PGBD2: variants seen among roughly 807,000 people sequenced by gnomAD.
The protein encoded by PGBD2 is piggyBac transposable element derived 2, also known as piggyBac transposable element-derived protein 2.
PGBD2 carries 6 observed loss-of-function variants against 8.1 expected under a neutral mutation model. That is an observed-to-expected ratio of 0.74 (90% CI 0.40 to 1.46). The LOEUF (loss-of-function observed/expected upper bound fraction) is 1.46. Ranked by LOEUF, PGBD2 falls within the 40% of genes most tolerant of loss-of-function variation. PGBD2 has a pLI of 0.02. For synonymous variants in PGBD2, 318 were observed against 272.2 expected (o/e 1.17, Z -1.66); for missense variants, 802 against 739.0 (o/e 1.09, Z -0.99).
At chr1:248,889,789 G>A in the PGBD2 span, among the ~76,000 whole-genome samples, 2 of 152,080 alleles carry the variant, frequency 1.3e-5, no homozygotes, top group Non-Finnish European at 2.9e-5. Flanking sequence ...AGGCAGACTC[G>A]GGGGATATGC....
Position 248,916,998 on chromosome 1 carries a change from GC to G in PGBD2, c.415del (p.Leu139Ter). 6.2e-7 allele frequency: 1 copy of G among 1,613,584 alleles called. No individual in the cohort carries two copies. The highest frequency in any genetic ancestry group is 8.5e-7 in the Non-Finnish European group (1 of 1,179,922). On this transcript the variant is annotated frameshift_variant, in exon 3 of 3. Coordinates refer to ENST00000329291, the MANE Select transcript of PGBD2 (RefSeq NM_170725.3). LOFTEE classifies it low-confidence loss of function (END_TRUNC). ...ATATTGAGGATCTGAAAAGCCAAGAGCTGAGTCCCGTGGGCCTTTTTGAGTT... is the reference window on the plus strand; with the variant it reads ...ATATTGAGGATCTGAAAAGCCAAGAGTGAGTCCCGTGGGCCTTTTTGAGTT... The part of the protein sequence containing the change: ...PHIEDLKSQE[L>X]SPVGLFELFF...
the PGBD2 span, among the ~76,000 whole-genome samples, chr1:248,890,795 C>T: frequency 1.9e-3 from 289 of 151,022 alleles, 1 homozygote; most frequent in African/African-American, 6.6e-3. Flanking sequence ...GATGCACACA[C>T]GCACCACACA....
chr1:248,894,520 C>T, the PGBD2 span, among the ~76,000 whole-genome samples: 1 of 152,280 alleles, frequency 6.6e-6, no homozygotes, highest in South Asian at 2.1e-4. Flanking sequence ...AAGAGACTAT[C>T]ATTTTCCTAT....
At chr1:248,920,937 G>A (rs1662273458), downstream of PGBD2, among the ~76,000 whole-genome samples, 2 of 151,020 alleles carry the variant, frequency 1.3e-5, no homozygotes, top group Admixed American at 6.6e-5. Flanking sequence ...CTGCATAAAT[G>A]TCTTCTTTTG....
rs1014187616 is a variant in PGBD2, at chr1:248,906,283, C to A, written c.-107C>A. On this transcript the variant is annotated 5_prime_UTR_variant, in exon 1 of 3. Coordinates refer to ENST00000329291, the MANE Select transcript of PGBD2 (RefSeq NM_170725.3). ...CGACGCCAACGCAGGCGCAGCGCTCCGATTCGGCGCGGCTCATGGTCCGGT... is the reference window on the plus strand; with the variant it reads ...CGACGCCAACGCAGGCGCAGCGCTCAGATTCGGCGCGGCTCATGGTCCGGT... 1 of 151,828 alleles carries A rather than the reference C, an allele frequency of 6.6e-6. No individual in the cohort carries two copies. The highest frequency in any genetic ancestry group is 6.6e-5 in the Admixed American group (1 of 15,250). The allele number at this position is 151,828 out of a possible 1,614,324, so 9.4% of individuals were successfully genotyped here.
the PGBD2 span, among the ~76,000 whole-genome samples, chr1:248,874,315 G>A: frequency 1.3e-5 from 2 of 152,192 alleles, no homozygotes; most frequent in Non-Finnish European, 2.9e-5. Context: ...TTCCCGGTCA[G>A]GAAAGTAAGC....
chr1:248,874,554 AAGAT>A, the PGBD2 span, among the ~76,000 whole-genome samples: 2 of 152,146 alleles, frequency 1.3e-5, no homozygotes, highest in Non-Finnish European at 2.9e-5. Context: ...ATGATCCAAA[AAGAT>A]AGCTCTGGGT....
At chr1:248,906,804 G>A (rs1267328604) in intron 1 of PGBD2, among the ~76,000 whole-genome samples, 2 of 152,134 alleles carry the variant, frequency 1.3e-5, no homozygotes, top group African/African-American at 4.8e-5. Flanking sequence ...TGCCTGGGAA[G>A]CTGCTGAGGT....
In PGBD2 at chr1:248,918,268, C is replaced by T. The variant is rs752859426; in HGVS notation, c.1684C>T (p.Arg562Trp). Residue 562 changes from arginine to tryptophan, a missense_variant, in exon 3 of 3, where the codon CGG becomes TGG. Coordinates refer to ENST00000329291, the MANE Select transcript of PGBD2 (RefSeq NM_170725.3). ...GATTATCCATCAGGACAAGAGGACC[C>T]GGTGTGCCCTCTGCCACTCACAGAC... is the stretch of plus-strand genomic sequence containing the variant. ...HWIIHQDKRT[R>W]CALCHSQTNT... 68 of 1,611,376 alleles carry T rather than the reference C, an allele frequency of 4.2e-5. No homozygotes were observed. The highest frequency in any genetic ancestry group is 5.2e-5 in the Non-Finnish European group (61 of 1,178,656).
intron 1 of PGBD2, among the ~76,000 whole-genome samples, chr1:248,913,412 A>AT (rs879338937): frequency 6.6e-6 from 1 of 152,052 alleles, no homozygotes. Flanking sequence ...TAGGTAGTTC[A>AT]TTTTTTTAAA....
At chr1:248,878,224 G>A in the PGBD2 span, among the ~76,000 whole-genome samples, 28 of 151,554 alleles carry the variant, frequency 1.8e-4, no homozygotes, top group African/African-American at 4.9e-4. Context: ...CTGTCGCCCA[G>A]GCTGGAGTGC....
chr1:248,894,526 C>T, the PGBD2 span, among the ~76,000 whole-genome samples: 2 of 152,114 alleles, frequency 1.3e-5, no homozygotes, highest in Admixed American at 6.5e-5. Flanking sequence ...CTATCATTTT[C>T]CTATTGTGTA....
At chr1:248,907,715 C>G (rs959891134) in intron 1 of PGBD2, among the ~76,000 whole-genome samples, 2 of 152,230 alleles carry the variant, frequency 1.3e-5, no homozygotes, top group African/African-American at 4.8e-5. Flanking sequence ...CCCTAGACCC[C>G]TTAAACCTTG....
the PGBD2 span, among the ~76,000 whole-genome samples, chr1:248,895,154 C>G: frequency 6.6e-6 from 1 of 152,126 alleles, no homozygotes; most frequent in Non-Finnish European, 1.5e-5. Context: ...GTCATTGAAC[C>G]TGAGAGTGGT....
Position 248,917,976 on chromosome 1 carries a change from T to C in PGBD2, c.1392T>C (p.Gly464=). ...ATCAGGAGAAGGTGGGTGGCGTTGGTAGGATGGATCAGAATATTGCCAAGT... is the reference window on the plus strand; with the variant it reads ...ATCAGGAGAAGGTGGGTGGCGTTGGCAGGATGGATCAGAATATTGCCAAGT... ...KLYQEKVGGV[G]RMDQNIAKYK... The change falls in exon 3 of 3, where the codon GGT becomes GGC. Residue 464 remains glycine, a synonymous_variant. Transcript: ENST00000329291. 1 of 1,614,138 alleles carries C rather than the reference T, an allele frequency of 6.2e-7. No homozygotes were observed. The highest frequency in any genetic ancestry group is 8.5e-7 in the Non-Finnish European group (1 of 1,180,010).
intron 1 of PGBD2, among the ~76,000 whole-genome samples, chr1:248,907,379 C>T (rs537632918): frequency 2.4e-3 from 362 of 152,324 alleles, no homozygotes; most frequent in Non-Finnish European, 4.0e-3. Flanking sequence ...AGGTTTTGTA[C>T]GGAGACATTC....
At chr1:248,926,141 G>A in the PGBD2 span, among the ~76,000 whole-genome samples, 1 of 151,966 alleles carries the variant, frequency 6.6e-6, no homozygotes, top group Non-Finnish European at 1.5e-5. Flanking sequence ...AAAAGGTGGT[G>A]ATGCCCTGAA....
upstream of PGBD2, chr1:248,906,138 G>C (rs1021470364): frequency 1.3e-5 from 2 of 152,022 alleles, no homozygotes; most frequent in African/African-American, 4.8e-5. Flanking sequence ...GCGCCGCGGA[G>C]GTCCTGGAGT....
the PGBD2 span, among the ~76,000 whole-genome samples, chr1:248,880,386 T>A: frequency 6.6e-6 from 1 of 152,254 alleles, no homozygotes; most frequent in African/African-American, 2.4e-5. Context: ...GGGCTTCATG[T>A]GTAAGCCGTA....
Sources: allele counts gnomAD v4.1 joint callset (sites outside exome capture counted in the v4.1 genomes callset), GRCh38; gene constraint gnomAD v4.1.1; transcripts MANE v1.5; gene names NCBI Gene and HGNC (gene_info 2026-07-23, HGNC 2026-07-21).